Variants in CMYA5 observed in about 807,000 individuals in gnomAD.
The protein encoded by CMYA5 is cardiomyopathy-associated protein 5.
CMYA5 carries 246 observed loss-of-function variants against 318.9 expected under a neutral mutation model. The observed-to-expected ratio is 0.77, with a 90% CI of 0.70 to 0.86. The LOEUF (loss-of-function observed/expected upper bound fraction) is 0.86. Ranked by LOEUF, CMYA5 falls within the 40% of genes least tolerant of loss-of-function variation. The pLI is 0.00. For synonymous variants in CMYA5, 1,641 were observed against 1,729.5 expected, an observed-to-expected ratio of 0.95 and a Z score of 1.27; for missense variants, 4,589 against 4,678.2, an observed-to-expected ratio of 0.98 and a Z score of 0.56.
At chr5:79,696,578 A>G (rs189774027) in intron 1 of CMYA5, among the ~76,000 whole-genome samples, 1 of 152,340 alleles carries the variant, frequency 6.6e-6, no homozygotes, top group East Asian at 1.9e-4. Context: ...ATATACCATA[A>G]ATATATACAA....
Position 79,738,679 on chromosome 5 carries a change from G to A in CMYA5, c.9914G>A (p.Gly3305Glu). The A allele has an allele frequency of 1.9e-6, 3 of 1,613,966 alleles. No individual in the cohort carries two copies. Among genetic ancestry groups the A allele is most frequent in the South Asian group, 1.1e-5 (1 of 91,080 alleles). ...GAACAGAAAGGTGTTTATGGGGAAG[G>A]AGAATCAGTAGACCATGTGGAGACC... ...LEEQKGVYGE[G>E]ESVDHVETVG... is the part of the protein sequence containing the mutation. Residue 3305 changes from glycine to glutamate, a missense_variant, in exon 2 of 13, where the codon GGA (glycine) becomes GAA (glutamate). Physicochemically the swap from Gly to Glu is moderately conservative, Grantham distance 98. Around this residue, in one of 3 missense-constraint regions of CMYA5, gnomAD observed 2,431 missense variants for 2,495.1 expected, o/e 0.97. Coordinates refer to ENST00000446378, the MANE Select transcript of CMYA5 (RefSeq NM_153610.5).
chr5:79,699,455 G>C (rs755045331), intron 1 of CMYA5, among the ~76,000 whole-genome samples: 1 of 152,188 alleles, frequency 6.6e-6, no homozygotes, highest in Non-Finnish European at 1.5e-5. Context: ...CTTTGAGAGG[G>C]TTTAAGCCTA....
At chr5:79,718,529 A>G (rs1184238413) in intron 1 of CMYA5, among the ~76,000 whole-genome samples, 1 of 152,180 alleles carries the variant, frequency 6.6e-6, no homozygotes, top group Non-Finnish European at 1.5e-5. Flanking sequence ...TTTGTTTTAT[A>G]TACTTCCCGT....
At chr5:79,753,209 A>G (rs1828465386) in intron 6 of CMYA5, among the ~76,000 whole-genome samples, 1 of 152,052 alleles carries the variant, frequency 6.6e-6, no homozygotes, top group African/African-American at 2.4e-5. Flanking sequence ...CCCCTCTTCA[A>G]TTCAGTTCTT....
chr5:79,789,112 C>T lies in CMYA5; in HGVS notation c.11689+8C>T. 6.2e-7 allele frequency: 1 copy of T among 1,613,568 alleles called. No homozygotes were observed. Among genetic ancestry groups the T allele is most frequent in the Non-Finnish European group, 8.5e-7 (1 of 1,179,726 alleles). On this transcript the variant is annotated splice_region_variant and intron_variant, in intron 10 of 12. Coordinates refer to ENST00000446378, the MANE Select transcript of CMYA5 (RefSeq NM_153610.5). ...CTCTCATCTCCACCAGAGGTACTTT[C>T]TCCTTTGCACACAGTGAGCTATTTC...
chr5:79,763,110 ACACAGC>A lies in CMYA5; in HGVS notation c.11460_11465del (p.Ala3821_Thr3822del). 6.2e-7 allele frequency: 1 copy of A among 1,613,514 alleles called. No homozygotes were observed. The highest frequency in any genetic ancestry group is 8.5e-7 in the Non-Finnish European group (1 of 1,179,806). ...GCTGAGGACTGTACTGTGTGTTGGA[ACACAGC>A]CACTATCCGATGGCGGCCCACCACC... is the stretch of plus-strand genomic sequence containing the variant. On this transcript the variant is annotated inframe_deletion, in exon 9 of 13. Transcript: ENST00000446378.
Position 79,734,738 on chromosome 5 carries a change from A to G in CMYA5, c.5973A>G (p.Pro1991=), listed in dbSNP as rs1828010934. 6.2e-6 allele frequency: 10 copies of G among 1,613,812 alleles called. No individual in the cohort carries two copies. The highest frequency in any genetic ancestry group is 8.5e-6 in the Non-Finnish European group (10 of 1,179,778). The change falls in exon 2 of 13, where the codon CCA becomes CCG. Residue 1991 remains proline (P), a synonymous_variant. Transcript: ENST00000446378. The stretch of plus-strand genomic sequence containing the variant: ...AAGAAGTAAAGCTGGCTGAAGAACC[A>G]AAGTCTTTAGTCCTAGCTGGAAATG... ...SSEEVKLAEE[P]KSLVLAGNVE...
rs376533338 is a variant in CMYA5 at position 79,735,482 on chromosome 5, A to G, written c.6717A>G (p.Ser2239=). ...AGAAACCAGCTGATCATTCATTATC[A>G]GAGGTAAAACTTAAAACTGCTGATG... is the stretch of plus-strand genomic sequence containing the variant. The part of the protein sequence containing the change: ...VAEKPADHSL[S]EVKLKTADEP... The change falls in exon 2 of 13, where the codon TCA becomes TCG. Residue 2239 remains serine (S), a synonymous_variant. Coordinates refer to ENST00000446378, the MANE Select transcript of CMYA5 (RefSeq NM_153610.5). 220 of 1,613,878 alleles carry G rather than the reference A, an allele frequency of 1.4e-4. No individual in the cohort carries two copies. In the East Asian group the frequency reaches 2.2e-3, roughly 16 times the overall value.
At chr5:79,775,009 C>T (rs943488651) in intron 9 of CMYA5, among the ~76,000 whole-genome samples, 14 of 152,190 alleles carry the variant, frequency 9.2e-5, no homozygotes, top group Non-Finnish European at 1.8e-4. Flanking sequence ...GCAGTCATTC[C>T]TGCTCCTTGC....
chr5:79,787,103 A>G (rs1230335129), intron 9 of CMYA5, among the ~76,000 whole-genome samples: 2 of 152,190 alleles, frequency 1.3e-5, no homozygotes, highest in Non-Finnish European at 2.9e-5. Context: ...ACACTTACCT[A>G]CAAAACAGTA....
intron 9 of CMYA5, among the ~76,000 whole-genome samples, chr5:79,775,171 G>A (rs1287564009): frequency 6.6e-6 from 1 of 152,214 alleles, no homozygotes; most frequent in African/African-American, 2.4e-5. Flanking sequence ...AGGGAGTTAT[G>A]AGAAGATGAT....
intron 1 of CMYA5, among the ~76,000 whole-genome samples, chr5:79,692,271 A>G (rs1229672261): frequency 6.6e-6 from 1 of 152,160 alleles, no homozygotes; most frequent in Non-Finnish European, 1.5e-5. Flanking sequence ...GGAGGGGTCC[A>G]CTCAGATGGT....
Position 79,730,790 on chromosome 5 carries a change from A to T in CMYA5, c.2025A>T (p.Glu675Asp), listed in dbSNP as rs1239104744. 6.2e-7 allele frequency: 1 copy of T among 1,613,720 alleles called. No individual in the cohort carries two copies. Among genetic ancestry groups the T allele is most frequent in the African/African-American group, 1.3e-5 (1 of 74,894 alleles). The stretch of plus-strand genomic sequence containing the variant: ...CACTGTTTTCAACAGTTACACCAGA[A>T]TACATGGTCCTATCAGGAGACGAGG... ...QSPLFSTVTP[E>D]YMVLSGDEAS... Residue 675 changes from glutamate to aspartate, a missense_variant, in exon 2 of 13, where the codon GAA (glutamate) becomes GAT (aspartate). Glu to Asp is a conservative substitution (Grantham distance 45, BLOSUM62 2). Around this residue, in one of 3 missense-constraint regions of CMYA5, gnomAD observed 2,132 missense variants for 2,131.3 expected, o/e 1.00. Transcript: ENST00000446378.
At chr5:79,756,745 C>G (rs1828537740) in intron 6 of CMYA5, among the ~76,000 whole-genome samples, 1 of 152,148 alleles carries the variant, frequency 6.6e-6, no homozygotes, top group Admixed American at 6.5e-5. Context: ...TTTGTACCTT[C>G]TTGCTGAACT....
chr5:79,772,182 G>A (rs141534888), intron 9 of CMYA5, among the ~76,000 whole-genome samples: 4 of 151,902 alleles, frequency 2.6e-5, no homozygotes, highest in East Asian at 1.9e-4. Context: ...TAAAACATAA[G>A]GCTTGTCATT....
chr5:79,763,445 A>C, intron 9 of CMYA5: 1 of 458,046 alleles, frequency 2.2e-6, no homozygotes, highest in Non-Finnish European at 3.9e-6. Flanking sequence ...AATGTATGTG[A>C]ATTTTAATGA....
intron 1 of CMYA5, among the ~76,000 whole-genome samples, chr5:79,719,867 A>G (rs1289928464): frequency 6.6e-6 from 1 of 152,252 alleles, no homozygotes; most frequent in Non-Finnish European, 1.5e-5. Flanking sequence ...ATGGAAATAA[A>G]AGACAAAATG....
At chr5:79,713,194 G>A (rs958538601) in intron 1 of CMYA5, among the ~76,000 whole-genome samples, 1 of 151,990 alleles carries the variant, frequency 6.6e-6, no homozygotes, top group East Asian at 1.9e-4. Context: ...ATTTTTTATT[G>A]TCACAACCTG....
chr5:79,695,993 T>C (rs1419434752), intron 1 of CMYA5, among the ~76,000 whole-genome samples: 12 of 152,210 alleles, frequency 7.9e-5, no homozygotes, highest in Non-Finnish European at 1.8e-4. Context: ...TATTTGTTGA[T>C]CGGATAAGTG....
Sources: allele counts gnomAD v4.1 joint callset (sites outside exome capture counted in the v4.1 genomes callset), GRCh38; gene constraint gnomAD v4.1.1; regional missense constraint gnomAD v4.1.1; transcripts MANE v1.5; gene names NCBI Gene and HGNC (gene_info 2026-07-23, HGNC 2026-07-21).